FOXP1: variants seen among roughly 807,000 people sequenced by gnomAD.
FOXP1 encodes the protein forkhead box P1, also known as forkhead box protein P1.
In FOXP1, 15 loss-of-function variants were observed where a neutral mutation model predicts 98.2. The observed-to-expected ratio is 0.15, with a 90% CI of 0.10 to 0.24. FOXP1 has a LOEUF of 0.24. Ranked by LOEUF, FOXP1 falls within the 10% of genes least tolerant of loss-of-function variation. FOXP1 has a pLI of 1.00. For synonymous variants in FOXP1, 371 were observed against 314.5 expected, an observed-to-expected ratio of 1.18 and a Z score of -1.90; for missense variants, 633 against 848.5, an observed-to-expected ratio of 0.75 and a Z score of 3.15.
At position 71,176,770 on chromosome 3, in the gene FOXP1, A is replaced by G. The variant is rs1576218305; in HGVS notation, c.180+21432T>C. The stretch of plus-strand genomic sequence containing the variant: ...AAAAAAAAAAAAAAAAAAAAAAAAA[A>G]AGAGCCGGGGGGCGGGTGCGGTGGC... On this transcript the variant is annotated intron_variant, in intron 6 of 20. Coordinates refer to ENST00000649528, the MANE Select transcript of FOXP1 (RefSeq NM_001349338.3). Among the ~76,000 whole-genome samples the G allele has an allele frequency of 2.2e-5, 3 of 136,600 alleles. 1 individual carries two copies. Among genetic ancestry groups the G allele is most frequent in the African/African-American group, 8.4e-5 (3 of 35,686 alleles). 89.6% of individuals were successfully genotyped at this position (136,600 alleles called of 152,430 possible).
intron 2 of FOXP1, among the ~76,000 whole-genome samples, chr3:71,528,400 C>T (rs1269648191): frequency 1.3e-5 from 2 of 152,182 alleles, no homozygotes; most frequent in African/African-American, 4.8e-5. Context: ...AATTATATAC[C>T]GCCTAAACAG....
intron 13 of FOXP1, among the ~76,000 whole-genome samples, chr3:70,996,190 G>C (rs2041335946): frequency 6.6e-6 from 1 of 152,112 alleles, no homozygotes; most frequent in African/African-American, 2.4e-5. Flanking sequence ...CTCCATGTTG[G>C]TCAGGCTGGT....
intron 20 of FOXP1, among the ~76,000 whole-genome samples, chr3:70,960,942 C>T (rs1032651220): frequency 2.0e-5 from 3 of 148,658 alleles, no homozygotes; most frequent in African/African-American, 5.0e-5. Flanking sequence ...CCCGGGTTCA[C>T]GCCATTCTCC....
At chr3:71,255,973 G>A (rs1353276509) in intron 5 of FOXP1, among the ~76,000 whole-genome samples, 1 of 152,132 alleles carries the variant, frequency 6.6e-6, no homozygotes, top group East Asian at 1.9e-4. Flanking sequence ...CTCATGAATT[G>A]TGCATTTACT....
chr3:71,158,346 T>C (rs1312869404), intron 6 of FOXP1, among the ~76,000 whole-genome samples: 4 of 151,742 alleles, frequency 2.6e-5, no homozygotes, highest in Admixed American at 6.6e-5. Context: ...GTAGATGATA[T>C]AATAAATAGT....
chr3:71,519,652 C>G (rs991188473), intron 2 of FOXP1, among the ~76,000 whole-genome samples: 1 of 152,176 alleles, frequency 6.6e-6, no homozygotes, highest in African/African-American at 2.4e-5. Flanking sequence ...TTCCTTGCCC[C>G]CATGCCAAAT....
chr3:71,080,239 C>G (rs1000330758), intron 7 of FOXP1, among the ~76,000 whole-genome samples: 2 of 152,118 alleles, frequency 1.3e-5, no homozygotes. Flanking sequence ...ATAAATGTTC[C>G]TCAGCAATAT....
intron 14 of FOXP1, among the ~76,000 whole-genome samples, chr3:70,983,939 C>T (rs558522140): frequency 6.6e-5 from 10 of 152,292 alleles, no homozygotes; most frequent in Non-Finnish European, 1.5e-4. Context: ...GAGAAATTAA[C>T]CTCCAAGCAA....
At chr3:71,155,009 T>C (rs1171989559) in intron 6 of FOXP1, among the ~76,000 whole-genome samples, 9 of 152,224 alleles carry the variant, frequency 5.9e-5, no homozygotes, top group Admixed American at 3.3e-4. Context: ...GCATTGTCTC[T>C]TGCCTAACCA....
chr3:71,139,880 A>G (rs561086671), intron 6 of FOXP1, among the ~76,000 whole-genome samples: 2 of 152,310 alleles, frequency 1.3e-5, no homozygotes, highest in South Asian at 4.1e-4. Context: ...AGGCAGCCAC[A>G]ATAAAATGCT....
intron 7 of FOXP1, among the ~76,000 whole-genome samples, chr3:71,097,540 A>G (rs1043213992): frequency 6.6e-6 from 1 of 152,180 alleles, no homozygotes; most frequent in Non-Finnish European, 1.5e-5. Context: ...CCAAGCAAAC[A>G]TGGCAGGTGA....
intron 3 of FOXP1, among the ~76,000 whole-genome samples, chr3:71,412,469 C>A (rs1005039968): frequency 6.6e-6 from 1 of 152,150 alleles, no homozygotes; most frequent in Non-Finnish European, 1.5e-5. Flanking sequence ...GAGGGAAAAA[C>A]ATCACAGTAT....
intron 2 of FOXP1, among the ~76,000 whole-genome samples, chr3:71,532,349 G>A (rs376771483): frequency 9.9e-5 from 15 of 152,132 alleles, no homozygotes; most frequent in African/African-American, 3.1e-4. Flanking sequence ...TGCCTACTTC[G>A]GCCTCCCAAA....
chr3:70,995,310 ATCC>A (rs753660312), intron 13 of FOXP1, among the ~76,000 whole-genome samples: 15 of 152,166 alleles, frequency 9.9e-5, no homozygotes, highest in Non-Finnish European at 1.9e-4. Flanking sequence ...GGGAGTTCTT[ATCC>A]TCAACAACTT....
At chr3:71,121,381 G>C (rs183885313) in intron 6 of FOXP1, among the ~76,000 whole-genome samples, 6 of 149,912 alleles carry the variant, frequency 4.0e-5, no homozygotes, top group East Asian at 2.1e-4. Context: ...AAAAAAAAAG[G>C]GGGGGGGGAT....
At chr3:71,011,282 CTGTT>C (rs2043573096) in intron 12 of FOXP1, among the ~76,000 whole-genome samples, 1 of 152,156 alleles carries the variant, frequency 6.6e-6, no homozygotes, top group East Asian at 1.9e-4. Flanking sequence ...ACATCTCCCT[CTGTT>C]CTGGAGGCAG....
At chr3:71,460,641 G>A (rs2087991710) in intron 3 of FOXP1, among the ~76,000 whole-genome samples, 1 of 152,100 alleles carries the variant, frequency 6.6e-6, no homozygotes, top group African/African-American at 2.4e-5. Context: ...GTTTTACCGT[G>A]TTGCCCAGGC....
At chr3:71,469,742 G>A (rs192371850) in intron 3 of FOXP1, among the ~76,000 whole-genome samples, 73 of 152,236 alleles carry the variant, frequency 4.8e-4, no homozygotes, top group Non-Finnish European at 9.9e-4. Context: ...GCTAAAAACC[G>A]TAAAAGCTGC....
intron 5 of FOXP1, among the ~76,000 whole-genome samples, chr3:71,255,076 C>T (rs1170819357): frequency 6.6e-6 from 1 of 152,188 alleles, no homozygotes; most frequent in East Asian, 1.9e-4. Context: ...AAACTACACC[C>T]TTTTTCCATT....
Sources: gnomAD v4.1 joint callset for allele counts (sites outside exome capture counted in the v4.1 genomes callset) on GRCh38, gnomAD v4.1.1 for gene constraint, MANE v1.5 for transcripts, NCBI Gene and HGNC (gene_info 2026-07-23, HGNC 2026-07-21) for gene names.